HELZ: variants seen among roughly 807,000 people sequenced by gnomAD.
HELZ encodes helicase with zinc finger.
In HELZ, 23 loss-of-function variants were observed where a neutral mutation model predicts 218.2. The observed-to-expected ratio is 0.11, with a 90% CI of 0.08 to 0.15. The LOEUF (loss-of-function observed/expected upper bound fraction) is 0.15, where lower values mean the gene tolerates loss of function less well. Among genes scored for constraint, HELZ ranks in the 10% least tolerant of loss-of-function variants. The pLI is 1.00. For missense variants in HELZ, 1,813 were observed against 2,353.7 expected (o/e 0.77, Z 4.75); for synonymous variants, 814 against 829.4 (o/e 0.98, Z 0.32).
Position 67,107,269 on chromosome 17 carries a change from A to T in HELZ, c.5141T>A (p.Phe1714Tyr). 1 of 1,614,188 alleles carries T rather than the reference A, an allele frequency of 6.2e-7. No individual in the cohort carries two copies. Among genetic ancestry groups the T allele is most frequent in the Non-Finnish European group, 8.5e-7 (1 of 1,180,024 alleles). ...ATGTTGATGATTCTGTATTTGTACA[A>T]AAGGGTTCTGCGGTGGCCTGTGAGG... The part of the protein sequence containing the change: ...PLPHRPPQNP[F>Y]VQIQNHQHAI... Residue 1714 changes from phenylalanine to tyrosine, a missense_variant, in exon 31 of 33, where the codon TTT (phenylalanine) becomes TAT (tyrosine). Physicochemically the swap from Phe to Tyr is conservative, Grantham distance 22 (BLOSUM62 3). This residue lies in a region of HELZ where 938 missense variants were observed against 1,027.5 expected (regional missense o/e 0.91). Coordinates refer to ENST00000358691, the MANE Select transcript of HELZ (RefSeq NM_014877.4).
chr17:67,085,558 T>TC (rs2036343679), intron 32 of HELZ, among the ~76,000 whole-genome samples: 1 of 151,794 alleles, frequency 6.6e-6, no homozygotes, highest in Non-Finnish European at 1.5e-5. Context: ...TTAAATGTTT[T>TC]TTTTTAATTT....
Position 67,078,459 on chromosome 17 carries a change from C to T in HELZ, c.5622G>A (p.Gln1874=). ...TACTGCTATTGGCCGACTCCGCGAT[C>T]TGCTTGTTAGGCATAAGGGGTGGAA... The part of the protein sequence containing the change: ...GQFPPLMPNK[Q]IAESANSSSP... Residue 1874 remains glutamine (Q), a synonymous_variant, in exon 33 of 33, where the codon CAG becomes CAA. Transcript: ENST00000358691. 6.3e-7 allele frequency: 1 copy of T among 1,592,418 alleles called. No individual in the cohort carries two copies. The highest frequency in any genetic ancestry group is 8.5e-7 in the Non-Finnish European group (1 of 1,171,796).
intron 3 of HELZ, among the ~76,000 whole-genome samples, chr17:67,238,716 G>A (rs2143500082): frequency 6.6e-6 from 1 of 152,264 alleles, no homozygotes; most frequent in Admixed American, 6.5e-5. Flanking sequence ...TAACTCTGAT[G>A]CCTCATAAGG....
intron 21 of HELZ, among the ~76,000 whole-genome samples, chr17:67,142,783 G>T (rs1305391225): frequency 6.6e-6 from 1 of 151,860 alleles, no homozygotes; most frequent in African/African-American, 2.4e-5. Flanking sequence ...TTGAGACAGG[G>T]TCTAGCTCTG....
Position 67,100,202 on chromosome 17 carries a change from T to C in HELZ, c.5241+6967A>G, listed in dbSNP as rs985522407. On this transcript the variant is annotated intron_variant, in intron 31 of 32. Coordinates refer to ENST00000358691, the MANE Select transcript of HELZ (RefSeq NM_014877.4). ...GTCACGATGATTAGACAACAGTATG[T>C]TGAAATTAAAATTATCAACTAATTT... 5.3e-5 allele frequency among the ~76,000 whole-genome samples: 8 copies of C among 152,166 alleles called. No individual in the cohort carries two copies. In the South Asian group the frequency reaches 1.7e-3, roughly 32 times the overall value.
intron 2 of HELZ, among the ~76,000 whole-genome samples, chr17:67,240,268 A>G (rs903114203): frequency 6.6e-6 from 1 of 152,006 alleles, no homozygotes; most frequent in Non-Finnish European, 1.5e-5. Context: ...CTGACTTCTC[A>G]CTCTACTTCC....
chr17:67,187,135 A>C (rs1400091789), intron 12 of HELZ, among the ~76,000 whole-genome samples: 1 of 152,200 alleles, frequency 6.6e-6, no homozygotes, highest in Non-Finnish European at 1.5e-5. Flanking sequence ...TACTATGCTA[A>C]TATATATAAG....
At chr17:67,136,975 T>A (rs79279536) in intron 22 of HELZ, among the ~76,000 whole-genome samples, 1,650 of 152,088 alleles carry the variant, frequency 0.011, 28 homozygotes, top group African/African-American at 0.036. Flanking sequence ...CATAAAAAAA[T>A]TTTTTTTAAT....
At chr17:67,237,138 G>A (rs1199282233) in intron 3 of HELZ, among the ~76,000 whole-genome samples, 6 of 152,068 alleles carry the variant, frequency 3.9e-5, no homozygotes, top group Non-Finnish European at 8.8e-5. Flanking sequence ...TCAGGAATTC[G>A]AGACCAGTCT....
At chr17:67,234,911 A>G (rs1433687662) in intron 3 of HELZ, among the ~76,000 whole-genome samples, 1 of 152,030 alleles carries the variant, frequency 6.6e-6, no homozygotes, top group African/African-American at 2.4e-5. Context: ...CCACCTCTTC[A>G]GTGGAAGTGT....
At chr17:67,202,112 G>A (rs190931234) in intron 6 of HELZ, among the ~76,000 whole-genome samples, 1 of 151,660 alleles carries the variant, frequency 6.6e-6, no homozygotes, top group East Asian at 1.9e-4. Flanking sequence ...CAGAAGAATA[G>A]GAAAGATACA....
Position 67,073,703 on chromosome 17 carries a change from C to T in HELZ, c.*4549G>A, listed in dbSNP as rs913655039. ...TCTCAATTGGTTCAAAAATTTTAAA[C>T]GTTACATTAAAATTGTTTTTAAATC... On this transcript the variant is annotated 3_prime_UTR_variant, in exon 33 of 33. Transcript: ENST00000358691. The T allele has an allele frequency of 2.0e-5, 3 of 152,102 alleles. No individual in the cohort carries two copies. Among genetic ancestry groups the T allele is most frequent in the Admixed American group, 6.6e-5 (1 of 15,266 alleles). The allele number at this position is 152,102 out of a possible 1,614,324, so 9.4% of individuals were successfully genotyped here.
intron 24 of HELZ, chr17:67,128,345 T>TA: frequency 3.1e-6 from 1 of 319,520 alleles, no homozygotes; most frequent in Non-Finnish European, 5.8e-6. Flanking sequence ...TTCTTTGTTT[T>TA]ATTCACATCT....
At chr17:67,228,340 G>A (rs1306411412) in intron 3 of HELZ, among the ~76,000 whole-genome samples, 1 of 152,130 alleles carries the variant, frequency 6.6e-6, no homozygotes. Flanking sequence ...TTTTAAGTTA[G>A]TTATTTGCCA....
upstream of HELZ, chr17:67,245,431 C>T (rs957500881): frequency 7.3e-6 from 7 of 957,666 alleles, no homozygotes; most frequent in African/African-American, 1.1e-4. Flanking sequence ...TTTCTCCTGC[C>T]CCGGCCTCCC....
intron 32 of HELZ, among the ~76,000 whole-genome samples, chr17:67,085,987 A>G (rs1382054838): frequency 1.3e-5 from 2 of 152,196 alleles, no homozygotes; most frequent in Admixed American, 1.3e-4. Flanking sequence ...GAATAAAGGA[A>G]TAAACAAGGA....
chr17:67,206,060 GA>G (rs1309034765), intron 5 of HELZ, among the ~76,000 whole-genome samples: 2 of 152,152 alleles, frequency 1.3e-5, no homozygotes, highest in South Asian at 4.1e-4. Context: ...AAGCTTGGGG[GA>G]AAAAAAGTAT....
At chr17:67,238,662 G>A (rs1007456205) in intron 3 of HELZ, among the ~76,000 whole-genome samples, 7 of 152,158 alleles carry the variant, frequency 4.6e-5, no homozygotes, top group African/African-American at 1.4e-4. Context: ...CTCCAGCCTA[G>A]GTGACAAAAG....
rs2039804610 is a variant in HELZ, at chr17:67,188,078, T to C, written c.1162+241A>G. ...TGGTAGACCAAAACAGGTCTGATCATCTACTCATACAAGTTTGGGGAACCT... is the reference window on the plus strand; with the variant it reads ...TGGTAGACCAAAACAGGTCTGATCACCTACTCATACAAGTTTGGGGAACCT... On this transcript the variant is annotated intron_variant, in intron 12 of 32. Coordinates refer to ENST00000358691, the MANE Select transcript of HELZ (RefSeq NM_014877.4). This position sits in a 1 kb window ranked among gnomAD's most constrained non-coding sequence, Gnocchi z 4.1. 1 of 438,046 alleles carries C rather than the reference T, an allele frequency of 2.3e-6. No individual in the cohort carries two copies. Among genetic ancestry groups the C allele is most frequent in the Non-Finnish European group, 4.1e-6 (1 of 244,520 alleles). The allele number at this position is 438,046 out of a possible 1,614,324, so 27.1% of individuals were successfully genotyped here. A position where few individuals can be genotyped will look rare whatever the true frequency, so the allele number is the denominator to read the frequency against.
Sources: allele counts gnomAD v4.1 joint callset (sites outside exome capture counted in the v4.1 genomes callset), GRCh38; gene constraint gnomAD v4.1.1; regional missense constraint gnomAD v4.1.1; non-coding constraint Gnocchi (gnomAD v3.1); transcripts MANE v1.5; gene names NCBI Gene and HGNC (gene_info 2026-07-23, HGNC 2026-07-21).